EBF1: variants seen among roughly 807,000 people sequenced by gnomAD.
EBF1 encodes EBF transcription factor 1.
A neutral mutation model predicts 68.4 loss-of-function variants in EBF1; 10 were observed. The observed-to-expected ratio is 0.15, with a 90% CI of 0.09 to 0.25. EBF1 has a LOEUF of 0.25. Ranked by LOEUF, EBF1 falls within the 10% of genes least tolerant of loss-of-function variation. The pLI is 1.00. For missense variants in EBF1, 509 were observed against 794.4 expected, an observed-to-expected ratio of 0.64 and a Z score of 4.32; for synonymous variants, 298 against 299.8, an observed-to-expected ratio of 0.99 and a Z score of 0.06.
At chr5:158,767,046 A>G (rs1197914968) in intron 10 of EBF1, among the ~76,000 whole-genome samples, 2 of 152,152 alleles carry the variant, frequency 1.3e-5, no homozygotes, top group African/African-American at 4.8e-5. Flanking sequence ...CTAATCCCTT[A>G]CCAGAAATTT....
chr5:158,759,457 T>A (rs1015316842), intron 10 of EBF1, among the ~76,000 whole-genome samples: 1 of 152,222 alleles, frequency 6.6e-6, no homozygotes, highest in Non-Finnish European at 1.5e-5. Flanking sequence ...AGTCAGCTGG[T>A]ACGGCTCATA....
intron 5 of EBF1, among the ~76,000 whole-genome samples, chr5:159,082,869 T>C (rs190679340): frequency 4.1e-4 from 63 of 152,330 alleles, no homozygotes; most frequent in African/African-American, 1.4e-3. Flanking sequence ...TATTTTTATG[T>C]TTCTGAAAAA....
chr5:158,993,238 G>GGGTT (rs1307720674), intron 6 of EBF1, among the ~76,000 whole-genome samples: 1 of 152,100 alleles, frequency 6.6e-6, no homozygotes, highest in African/African-American at 2.4e-5. Context: ...AGTAGAGATG[G>GGGTT]GGTTTCACTG....
At chr5:158,798,093 A>G (rs1289932979) in intron 8 of EBF1, among the ~76,000 whole-genome samples, 1 of 152,226 alleles carries the variant, frequency 6.6e-6, no homozygotes, top group Non-Finnish European at 1.5e-5. Flanking sequence ...AATAAACTAT[A>G]TTTAACAACT....
intron 9 of EBF1, among the ~76,000 whole-genome samples, chr5:158,793,870 T>G (rs1779146821): frequency 6.6e-6 from 1 of 152,180 alleles, no homozygotes. Context: ...AAATTGTGTG[T>G]GCCAAGTAGC....
intron 6 of EBF1, among the ~76,000 whole-genome samples, chr5:159,039,724 A>G (rs1770799257): frequency 6.6e-6 from 1 of 152,220 alleles, no homozygotes; most frequent in Non-Finnish European, 1.5e-5. Flanking sequence ...TTCCTTCTCA[A>G]GGGCCCTGGG....
chr5:159,027,203 T>C (rs1767873660), intron 6 of EBF1, among the ~76,000 whole-genome samples: 1 of 152,210 alleles, frequency 6.6e-6, no homozygotes, highest in Admixed American at 6.5e-5. Flanking sequence ...TTCCTGATGT[T>C]GTAGACACAT....
At chr5:158,790,002 T>G (rs1778295233) in intron 9 of EBF1, among the ~76,000 whole-genome samples, 1 of 152,214 alleles carries the variant, frequency 6.6e-6, no homozygotes, top group Admixed American at 6.5e-5. Flanking sequence ...TCTGAGCCCC[T>G]AAACCACCAT....
chr5:158,740,898 A>C (rs1766223895), intron 10 of EBF1, among the ~76,000 whole-genome samples: 1 of 152,198 alleles, frequency 6.6e-6, no homozygotes, highest in African/African-American at 2.4e-5. Flanking sequence ...TTCTCTGTTC[A>C]CAGTACCCTG....
At chr5:158,927,082 G>A (rs1374006353) in intron 6 of EBF1, among the ~76,000 whole-genome samples, 1 of 152,218 alleles carries the variant, frequency 6.6e-6, no homozygotes, top group Non-Finnish European at 1.5e-5. Flanking sequence ...TGGATCTGAG[G>A]TGAGAAGATG....
chr5:158,821,997 G>T (rs1214387148), intron 8 of EBF1, among the ~76,000 whole-genome samples: 2 of 152,196 alleles, frequency 1.3e-5, no homozygotes, highest in Non-Finnish European at 2.9e-5. Flanking sequence ...CAAAAATGAT[G>T]AGAGTGGCGT....
chr5:158,733,533 T>C (rs1176044564), intron 10 of EBF1, among the ~76,000 whole-genome samples: 1 of 152,106 alleles, frequency 6.6e-6, no homozygotes, highest in Non-Finnish European at 1.5e-5. Flanking sequence ...AAATATCATA[T>C]GGAACTAATA....
chr5:158,708,081 T>A lies in EBF1; in HGVS notation c.1642A>T (p.Met548Leu). Residue 548 changes from methionine (M) to leucine (L), a missense_variant, in exon 15 of 16, where the codon ATG becomes TTG. By Grantham distance (15) the Met-to-Leu change is conservative (BLOSUM62 2). This residue lies in a region of EBF1 where 205 missense variants were observed against 247.4 expected (regional missense o/e 0.83). Coordinates refer to ENST00000313708, the MANE Select transcript of EBF1 (RefSeq NM_024007.5). ...CTCTTCTGTTTCACGGCTGAGACCA[T>A]GTTGGCTGGTGAGAAGGAGAAGATG... is the stretch of plus-strand genomic sequence containing the variant. ...SGIFSFSPAN[M>L]VSAVKQKSAF... The A allele has an allele frequency of 2.5e-6, 4 of 1,575,660 alleles. No homozygotes were observed. The South Asian group carries it at 4.7e-5, about 18-fold the overall frequency.
intron 6 of EBF1, among the ~76,000 whole-genome samples, chr5:158,988,453 T>A (rs1759586281): frequency 5.9e-5 from 9 of 152,142 alleles, no homozygotes; most frequent in Admixed American, 5.9e-4. Flanking sequence ...CTGCCTCACA[T>A]CCTCATCTTC....
At chr5:158,908,361 ATTAAC>A (rs1403620161) in intron 6 of EBF1, among the ~76,000 whole-genome samples, 4 of 152,220 alleles carry the variant, frequency 2.6e-5, no homozygotes, top group Admixed American at 6.5e-5. Context: ...CCACAGATAA[ATTAAC>A]TTAACATGAT....
intron 10 of EBF1, among the ~76,000 whole-genome samples, chr5:158,758,217 C>A (rs913121090): frequency 4.6e-5 from 7 of 152,220 alleles, no homozygotes; most frequent in African/African-American, 1.7e-4. Context: ...TTGATCCATT[C>A]ATTTACTTAA....
At chr5:158,712,011 GCACC>G in intron 14 of EBF1, 139 bp downstream of exon 14, 1 of 962,068 alleles carries the variant, frequency 1.0e-6, no homozygotes, top group South Asian at 1.6e-5. Flanking sequence ...GGTGCCTTTA[GCACC>G]ATCACCCAGG....
intron 6 of EBF1, among the ~76,000 whole-genome samples, chr5:158,957,566 A>G (rs1234882468): frequency 1.3e-5 from 2 of 152,318 alleles, no homozygotes; most frequent in East Asian, 3.9e-4. Flanking sequence ...AAGGTTCAAG[A>G]AAAAAATGGT....
At chr5:158,898,429 C>T (rs939782016) in intron 6 of EBF1, among the ~76,000 whole-genome samples, 12 of 152,204 alleles carry the variant, frequency 7.9e-5, no homozygotes, top group Admixed American at 3.3e-4. Context: ...TAATAAACCA[C>T]CAACCAGAAT....
Sources: allele counts gnomAD v4.1 joint callset (sites outside exome capture counted in the v4.1 genomes callset), GRCh38; gene constraint gnomAD v4.1.1; regional missense constraint gnomAD v4.1.1; transcripts MANE v1.5; gene names NCBI Gene and HGNC (gene_info 2026-07-23, HGNC 2026-07-21).